The following SUGCT variants were observed in gnomAD, a reference collection of about 807,000 sequenced individuals.
SUGCT encodes succinyl-CoA:glutarate-CoA transferase, also known as succinyl-CoA:glutarate CoA-transferase.
In SUGCT, 41 loss-of-function variants were observed where a neutral mutation model predicts 55.0. The ratio of observed to expected loss-of-function variants is 0.74; its 90% CI spans 0.58 to 0.97. The LOEUF is 0.97. Ranked by LOEUF, SUGCT falls within the 50% of genes least tolerant of loss-of-function variation. The pLI is 0.00. For synonymous variants in SUGCT, 187 were observed against 200.4 expected (o/e 0.93, Z 0.56); for missense variants, 568 against 547.8 (o/e 1.04, Z -0.37).
chr7:40,811,971 T>G (rs1196974016), intron 13 of SUGCT, among the ~76,000 whole-genome samples: 2 of 152,178 alleles, frequency 1.3e-5, no homozygotes, highest in Admixed American at 6.5e-5. Flanking sequence ...GTTTTTGTCA[T>G]GAAGGGATGT....
chr7:40,594,174 G>C (rs1054221632), intron 12 of SUGCT, among the ~76,000 whole-genome samples: 4 of 152,050 alleles, frequency 2.6e-5, no homozygotes, highest in Non-Finnish European at 5.9e-5. Context: ...GGGGACTGTG[G>C]TGGGGTGCGG....
the SUGCT span, among the ~76,000 whole-genome samples, chr7:40,961,844 C>T: frequency 0.044 from 6,701 of 152,178 alleles, 220 homozygotes; most frequent in South Asian, 0.18. Context: ...TTGTTCCTCC[C>T]GGTGGGTTCA....
At chr7:40,737,279 A>G (rs2128701219) in intron 12 of SUGCT, among the ~76,000 whole-genome samples, 1 of 152,342 alleles carries the variant, frequency 6.6e-6, no homozygotes, top group East Asian at 1.9e-4. Context: ...AAAAAAATGC[A>G]AGTACCAAGA....
At chr7:40,249,256 C>T (rs1003737460) in intron 7 of SUGCT, among the ~76,000 whole-genome samples, 4 of 142,850 alleles carry the variant, frequency 2.8e-5, no homozygotes, top group Non-Finnish European at 4.5e-5. Flanking sequence ...CTTGCCACTG[C>T]ATTCCAGCCT....
intron 12 of SUGCT, among the ~76,000 whole-genome samples, chr7:40,603,141 A>G (rs780418731): frequency 2.0e-5 from 3 of 152,152 alleles, no homozygotes; most frequent in Non-Finnish European, 4.4e-5. Flanking sequence ...TGTAACCTCT[A>G]TTTTTCAAAG....
intron 1 of SUGCT, among the ~76,000 whole-genome samples, chr7:40,146,235 G>A (rs1251062847): frequency 2.6e-5 from 4 of 152,090 alleles, no homozygotes; most frequent in Non-Finnish European, 4.4e-5. Context: ...TGGGCCATCC[G>A]CAGGTTACTG....
At chr7:40,224,724 G>A (rs573023941) in intron 6 of SUGCT, among the ~76,000 whole-genome samples, 6 of 152,310 alleles carry the variant, frequency 3.9e-5, no homozygotes, top group Admixed American at 3.9e-4. Context: ...GGTGAAAAGT[G>A]TTTATTAAAT....
intron 12 of SUGCT, among the ~76,000 whole-genome samples, chr7:40,526,046 T>C (rs1793776740): frequency 6.6e-6 from 1 of 152,178 alleles, no homozygotes; most frequent in Non-Finnish European, 1.5e-5. Flanking sequence ...CAGTTACCTG[T>C]CAGTCTTTCA....
chr7:40,717,745 A>ATAG (rs936975643), intron 12 of SUGCT, among the ~76,000 whole-genome samples: 208 of 152,306 alleles, frequency 1.4e-3, no homozygotes, highest in African/African-American at 4.9e-3. Flanking sequence ...CTGTAGATGA[A>ATAG]TAGTAATTGG....
At chr7:40,229,628 C>G (rs764140408) in intron 6 of SUGCT, among the ~76,000 whole-genome samples, 1 of 151,660 alleles carries the variant, frequency 6.6e-6, no homozygotes, top group Non-Finnish European at 1.5e-5. Context: ...TCCTGGCCAA[C>G]ATGGTGAAAC....
chr7:40,334,596 GTTGT>G (rs1312769179), intron 9 of SUGCT, among the ~76,000 whole-genome samples: 10 of 152,272 alleles, frequency 6.6e-5, no homozygotes, highest in Middle Eastern at 3.4e-3. Context: ...TTTTGAAGGG[GTTGT>G]TTGTTTTTTT....
chr7:40,449,011 G>T (rs1222030580), intron 9 of SUGCT, among the ~76,000 whole-genome samples: 1 of 151,718 alleles, frequency 6.6e-6, no homozygotes, highest in Non-Finnish European at 1.5e-5. Context: ...GATCTATTCT[G>T]TGATGATGGA....
rs1236134982 is a variant in SUGCT, at chr7:40,245,445, T to TA, written c.576+7719_576+7720insA. 2.3e-3 allele frequency among the ~76,000 whole-genome samples: 173 copies of TA among 74,474 alleles called. 3 individuals carry two copies. Among genetic ancestry groups the TA allele is most frequent in the Non-Finnish European group, 3.6e-3 (138 of 37,912 alleles). The allele number at this position is 74,474 out of a possible 152,430, so 48.9% of individuals were successfully genotyped here. On this transcript the variant is annotated intron_variant, in intron 7 of 13. Transcript: ENST00000335693. ...TATATTTTTTTTTTTTTTTTTTTTT[T>TA]TTTTTTTTTTTTGAGATGGAGTCTC... is the stretch of plus-strand genomic sequence containing the variant.
intron 9 of SUGCT, among the ~76,000 whole-genome samples, chr7:40,335,693 A>G (rs1224369443): frequency 6.6e-6 from 1 of 152,202 alleles, no homozygotes; most frequent in African/African-American, 2.4e-5. Flanking sequence ...TCATCTGCAA[A>G]CAGGGACAAT....
At chr7:40,869,987 G>A in the SUGCT span, among the ~76,000 whole-genome samples, 33 of 152,132 alleles carry the variant, frequency 2.2e-4, no homozygotes, top group South Asian at 6.0e-3. Context: ...TAGTTAAGGC[G>A]GCATCTTACA....
chr7:40,591,864 T>C (rs1234698805), intron 12 of SUGCT, among the ~76,000 whole-genome samples: 1 of 152,218 alleles, frequency 6.6e-6, no homozygotes, highest in Non-Finnish European at 1.5e-5. Context: ...CACTTAATAA[T>C]GTTCAATATA....
At chr7:40,915,533 G>C in the SUGCT span, among the ~76,000 whole-genome samples, 1 of 152,156 alleles carries the variant, frequency 6.6e-6, no homozygotes, top group Non-Finnish European at 1.5e-5. Flanking sequence ...TAATAATGGG[G>C]ACAGTTTTGG....
intron 9 of SUGCT, among the ~76,000 whole-genome samples, chr7:40,347,211 G>A (rs930554581): frequency 2.6e-5 from 4 of 152,196 alleles, no homozygotes; most frequent in Non-Finnish European, 5.9e-5. Flanking sequence ...GAGGAGAGCT[G>A]GAGATTATGC....
chr7:40,173,532 G>A (rs939194853), intron 1 of SUGCT, among the ~76,000 whole-genome samples: 38 of 152,270 alleles, frequency 2.5e-4, no homozygotes, highest in African/African-American at 7.7e-4. Context: ...AAATGCCTGG[G>A]GTTTATATCC....
Sources: allele counts gnomAD v4.1 joint callset (sites outside exome capture counted in the v4.1 genomes callset), GRCh38; gene constraint gnomAD v4.1.1; transcripts MANE v1.5; gene names NCBI Gene and HGNC (gene_info 2026-07-23, HGNC 2026-07-21).